The following FBLN7 variants were observed in gnomAD, a reference collection of about 807,000 sequenced individuals.
FBLN7 encodes fibulin-7.
FBLN7 carries 31 observed loss-of-function variants against 44.0 expected under a neutral mutation model. The observed-to-expected ratio is 0.70, with a 90% CI of 0.53 to 0.95. The LOEUF is 0.95. Ranked by LOEUF, FBLN7 falls within the 40% of genes least tolerant of loss-of-function variation. The pLI, the probability that FBLN7 is intolerant of heterozygous loss-of-function variation, is 0.00. For synonymous variants in FBLN7, 262 were observed against 253.4 expected, an observed-to-expected ratio of 1.03 and a Z score of -0.32; for missense variants, 573 against 618.5, an observed-to-expected ratio of 0.93 and a Z score of 0.78.
At position 112,138,562 on chromosome 2, in the gene FBLN7, A is replaced by T. The variant is rs1680460905; in HGVS notation, c.-94A>T. On this transcript the variant is annotated 5_prime_UTR_variant, in exon 1 of 8. Coordinates refer to ENST00000331203, the MANE Select transcript of FBLN7 (RefSeq NM_153214.3). ...GCCCCCCGGCCGCGCGGCGCCCCGCACCCTGCAGGGACGGCTGCCGCATCG... is the reference window on the plus strand; with the variant it reads ...GCCCCCCGGCCGCGCGGCGCCCCGCTCCCTGCAGGGACGGCTGCCGCATCG... 11 of 1,390,342 alleles carry T rather than the reference A, an allele frequency of 7.9e-6. No homozygotes were observed. Among genetic ancestry groups the T allele is most frequent in the Non-Finnish European group, 1.1e-5 (11 of 1,030,250 alleles). The allele number at this position is 1,390,342 out of a possible 1,614,324, so 86.1% of individuals were successfully genotyped here.
chr2:112,157,055 A>G (rs1392412587), intron 1 of FBLN7, among the ~76,000 whole-genome samples: 1 of 152,226 alleles, frequency 6.6e-6, no homozygotes, highest in Non-Finnish European at 1.5e-5. Context: ...AATACTCAGT[A>G]GAAAAAAAAT....
chr2:112,221,907 G>A, the FBLN7 span, among the ~76,000 whole-genome samples: 3 of 152,092 alleles, frequency 2.0e-5, no homozygotes, highest in Admixed American at 1.3e-4. Flanking sequence ...CTAGGGAACT[G>A]GTACAGTCAT....
chr2:112,153,521 G>A (rs1159963980), intron 1 of FBLN7, among the ~76,000 whole-genome samples: 2 of 152,152 alleles, frequency 1.3e-5, no homozygotes, highest in African/African-American at 4.8e-5. Context: ...AAGCCCCAGG[G>A]ACCAGTCCCC....
the FBLN7 span, among the ~76,000 whole-genome samples, chr2:112,242,273 CAAAAG>C: frequency 4.6e-4 from 70 of 152,090 alleles, no homozygotes; most frequent in Non-Finnish European, 6.8e-4. Context: ...ATGGTTGAAA[CAAAAG>C]AAATCAAAAG....
chr2:112,235,700 A>G, the FBLN7 span, among the ~76,000 whole-genome samples: 1 of 152,136 alleles, frequency 6.6e-6, no homozygotes, highest in Non-Finnish European at 1.5e-5. Context: ...GCTTACATCT[A>G]CAGACCAAGG....
chr2:112,185,623 A>G (rs1423133194), intron 7 of FBLN7, among the ~76,000 whole-genome samples: 2 of 152,114 alleles, frequency 1.3e-5, no homozygotes, highest in African/African-American at 4.8e-5. Context: ...AGGATGGCAA[A>G]GCCAGGGCAG....
At chr2:112,243,348 G>T in the FBLN7 span, among the ~76,000 whole-genome samples, 1 of 152,162 alleles carries the variant, frequency 6.6e-6, no homozygotes, top group African/African-American at 2.4e-5. Flanking sequence ...AAATCTAAGA[G>T]AAGAATCGAA....
intron 1 of FBLN7, among the ~76,000 whole-genome samples, chr2:112,143,423 C>T (rs1680749001): frequency 6.6e-6 from 1 of 152,206 alleles, no homozygotes; most frequent in Non-Finnish European, 1.5e-5. Flanking sequence ...CTCCCTGACC[C>T]TCTCCCTGTG....
the FBLN7 span, among the ~76,000 whole-genome samples, chr2:112,224,551 C>T: frequency 6.6e-6 from 1 of 152,188 alleles, no homozygotes; most frequent in Non-Finnish European, 1.5e-5. Context: ...AAGACTTGAA[C>T]ATAAATGTTC....
chr2:112,189,549 T>G (rs1683415716), downstream of FBLN7: 2 of 152,278 alleles, frequency 1.3e-5, no homozygotes, highest in South Asian at 4.1e-4. Context: ...AGAGCTCCAC[T>G]CTGTACTAAG....
the FBLN7 span, among the ~76,000 whole-genome samples, chr2:112,197,234 A>AACACACACACACACACAC: frequency 7.5e-4 from 67 of 89,354 alleles, no homozygotes; most frequent in African/African-American, 2.2e-3. Flanking sequence ...CGTAAGAGAA[A>AACACACACACACACACAC]ACACACACAC....
At chr2:112,160,244 C>T (rs1681686154) in intron 2 of FBLN7, among the ~76,000 whole-genome samples, 1 of 152,214 alleles carries the variant, frequency 6.6e-6, no homozygotes, top group Non-Finnish European at 1.5e-5. Flanking sequence ...CCCGCCTCGG[C>T]CTCCCAAAGT....
chr2:112,165,054 T>C lies in FBLN7; in HGVS notation c.289T>C (p.Tyr97His), dbSNP rs1464758288. The C allele has an allele frequency of 7.4e-6, 12 of 1,614,206 alleles. No homozygotes were observed. In the East Asian group the frequency reaches 2.7e-4, roughly 36 times the overall value. The change falls in exon 3 of 8, where the codon TAC becomes CAC. Residue 97 changes from tyrosine (Y) to histidine (H), a missense_variant. Physicochemically the swap from Tyr to His is moderately conservative, Grantham distance 83 (BLOSUM62 2). Coordinates refer to ENST00000331203, the MANE Select transcript of FBLN7 (RefSeq NM_153214.3). ...AGACGGCAGAAAGTTTGGAAGCAAG[T>C]ACTTAGTGGATCACGAAGTCCATTT... ...PADGRKFGSKYLVDHEVHFTC... is the reference protein window; with the variant it reads ...PADGRKFGSKHLVDHEVHFTC...
rs563713929 is a variant in FBLN7, at chr2:112,160,145, C to A, written c.235+310C>A. Among the ~76,000 whole-genome samples the A allele has an allele frequency of 2.9e-3, 439 of 152,268 alleles. 4 individuals carry two copies. The highest frequency in any genetic ancestry group is 9.8e-3 in the African/African-American group (406 of 41,546). ...AGCTGGGACTACAGGCGCCCGCCACCACGCCCGGCTAATTTTTTGTATTTT... is the reference window on the plus strand; with the variant it reads ...AGCTGGGACTACAGGCGCCCGCCACAACGCCCGGCTAATTTTTTGTATTTT... On this transcript the variant is annotated intron_variant, in intron 2 of 7. Coordinates refer to ENST00000331203, the MANE Select transcript of FBLN7 (RefSeq NM_153214.3).
chr2:112,185,436 C>A, intron 7 of FBLN7, 97 bp downstream of exon 7: 12 of 1,469,462 alleles, frequency 8.2e-6, no homozygotes, highest in Non-Finnish European at 1.1e-5. Flanking sequence ...TACAGTTATA[C>A]CATAGAAAGA....
the FBLN7 span, among the ~76,000 whole-genome samples, chr2:112,208,759 A>G: frequency 6.6e-6 from 1 of 152,210 alleles, no homozygotes; most frequent in Non-Finnish European, 1.5e-5. Flanking sequence ...TGATAACTCC[A>G]AAATTTATAT....
At chr2:112,211,587 G>T in the FBLN7 span, 1 of 151,978 alleles carries the variant, frequency 6.6e-6, no homozygotes, top group African/African-American at 2.4e-5. Flanking sequence ...ATATTTAATA[G>T]AATCTAAATG....
intron 1 of FBLN7, among the ~76,000 whole-genome samples, chr2:112,140,576 G>T (rs1680593015): frequency 6.6e-6 from 1 of 152,214 alleles, no homozygotes; most frequent in Non-Finnish European, 1.5e-5. Flanking sequence ...TTGTGGGCGA[G>T]GACTCCACGT....
In FBLN7 at chr2:112,187,696, C is replaced by A; in HGVS notation, c.*190C>A. 1 of 663,356 alleles carries A rather than the reference C, an allele frequency of 1.5e-6. No individual in the cohort carries two copies. Among genetic ancestry groups the A allele is most frequent in the Non-Finnish European group, 2.5e-6 (1 of 401,304 alleles). The allele number at this position is 663,356 out of a possible 1,614,324, so 41.1% of individuals were successfully genotyped here. A position where few individuals can be genotyped will look rare whatever the true frequency, so the allele number is the denominator to read the frequency against. ...GAAGAGCAGCCACAAAACTCAACTG[C>A]TGCCATCACTCTTTTTTTTTTTCTG... On this transcript the variant is annotated 3_prime_UTR_variant, in exon 8 of 8. Transcript: ENST00000331203. The surrounding 1 kb of genome is among the most constrained non-coding windows in gnomAD (Gnocchi z 5.1).
Sources: gnomAD v4.1 joint callset for allele counts (sites outside exome capture counted in the v4.1 genomes callset) on GRCh38, gnomAD v4.1.1 for gene constraint, Gnocchi (gnomAD v3.1) non-coding constraint, MANE v1.5 for transcripts, NCBI Gene and HGNC (gene_info 2026-07-23, HGNC 2026-07-21) for gene names.